The following LNPEP variants were observed in gnomAD, a reference collection of about 807,000 sequenced individuals.
LNPEP encodes the protein leucyl-cystinyl aminopeptidase.
LNPEP carries 64 observed loss-of-function variants against 120.6 expected under a neutral mutation model. The observed-to-expected ratio is 0.53, with a 90% confidence interval of 0.43 to 0.65. The LOEUF (loss-of-function observed/expected upper bound fraction) is 0.65. Ranked by LOEUF, LNPEP falls within the 30% of genes least tolerant of loss-of-function variation. The pLI is 0.00. For synonymous variants in LNPEP, 435 were observed against 425.4 expected (o/e 1.02, Z -0.28); for missense variants, 1,057 against 1,200.0 (o/e 0.88, Z 1.76).
At chr5:97,017,607 A>G (rs1002406662) in intron 13 of LNPEP, among the ~76,000 whole-genome samples, 1 of 152,140 alleles carries the variant, frequency 6.6e-6, no homozygotes, top group Non-Finnish European at 1.5e-5. Flanking sequence ...GGTGTGAGGT[A>G]GACACCAAGA....
intron 1 of LNPEP, among the ~76,000 whole-genome samples, chr5:96,956,098 AAATG>A (rs1789460681): frequency 6.5e-5 from 3 of 45,872 alleles, no homozygotes; most frequent in African/African-American, 2.1e-4. Context: ...ATGGCTGTTT[AAATG>A]TTTAAATCTT....
intron 1 of LNPEP, among the ~76,000 whole-genome samples, chr5:96,972,120 G>A (rs1789880572): frequency 6.6e-6 from 1 of 152,020 alleles, no homozygotes; most frequent in African/African-American, 2.4e-5. Context: ...CTCTGTCTCT[G>A]TAGACAGCTT....
At chr5:96,990,701 A>G (rs1790369394) in intron 4 of LNPEP, among the ~76,000 whole-genome samples, 1 of 152,196 alleles carries the variant, frequency 6.6e-6, no homozygotes, top group Non-Finnish European at 1.5e-5. Context: ...GCTTAAGGTC[A>G]TACAGATAGC....
chr5:97,017,963 G>A (rs1055282548), intron 13 of LNPEP, among the ~76,000 whole-genome samples: 2 of 152,014 alleles, frequency 1.3e-5, no homozygotes, highest in Non-Finnish European at 2.9e-5. Flanking sequence ...CTTTGTCTCT[G>A]TCAACACAGT....
rs1197313542 is a variant in LNPEP, at chr5:96,989,430, T to C, written c.1131+2760T>C. Among the ~76,000 whole-genome samples, 3 of 139,976 alleles carry C rather than the reference T, an allele frequency of 2.1e-5. No homozygotes were observed. The East Asian group carries it at 5.9e-4, about 28-fold the overall frequency. The allele number at this position is 139,976 out of a possible 152,430, so 91.8% of individuals were successfully genotyped here. ...ATATATAATATATAATTATATATTA[T>C]ATATTTATATATATTATTATATATT... On this transcript the variant is annotated intron_variant, in intron 4 of 17. Coordinates refer to ENST00000231368, the MANE Select transcript of LNPEP (RefSeq NM_005575.3).
At chr5:96,960,935 T>C (rs1379190806) in intron 1 of LNPEP, among the ~76,000 whole-genome samples, 1 of 152,160 alleles carries the variant, frequency 6.6e-6, no homozygotes, top group Non-Finnish European at 1.5e-5. Flanking sequence ...GATGAAACCA[T>C]GTTGCTTGGT....
In LNPEP at chr5:96,979,930, A is replaced by G. The variant is rs748813298; in HGVS notation, c.812A>G (p.Tyr271Cys). 1 of 1,611,334 alleles carries G rather than the reference A, an allele frequency of 6.2e-7. No homozygotes were observed. The highest frequency in any genetic ancestry group is 8.5e-7 in the Non-Finnish European group (1 of 1,178,080). ...IEYSANISSS[Y>C]YGFYGFSYTD... is the part of the protein sequence containing the mutation. ...TACTCGGCAAATATATCTAGTTCTT[A>G]TTATGGGTTTTATGGCTTCTCCTAC... Residue 271 changes from tyrosine to cysteine, a missense_variant, in exon 2 of 18, where the codon TAT becomes TGT. Physicochemically the swap from Tyr to Cys is radical, Grantham distance 194. Coordinates refer to ENST00000231368, the MANE Select transcript of LNPEP (RefSeq NM_005575.3).
At chr5:96,985,380 A>G (rs1469029123) in intron 3 of LNPEP, among the ~76,000 whole-genome samples, 162 bp downstream of exon 3, 1 of 152,206 alleles carries the variant, frequency 6.6e-6, no homozygotes, top group Non-Finnish European at 1.5e-5. Flanking sequence ...TATTGGCATC[A>G]GTTGGGAAGT....
intron 15 of LNPEP, among the ~76,000 whole-genome samples, chr5:97,025,548 A>C (rs1435840678): frequency 6.6e-6 from 1 of 152,238 alleles, no homozygotes; most frequent in Non-Finnish European, 1.5e-5. Context: ...AAGAATATAG[A>C]GTAAAATATG....
At chr5:96,970,701 A>C (rs1273132125) in intron 1 of LNPEP, among the ~76,000 whole-genome samples, 1 of 151,626 alleles carries the variant, frequency 6.6e-6, no homozygotes, top group Non-Finnish European at 1.5e-5. Flanking sequence ...TCACTTTTTC[A>C]GTGTTTCTTC....
chr5:97,005,435 T>C (rs140254035), intron 9 of LNPEP, among the ~76,000 whole-genome samples: 1 of 152,126 alleles, frequency 6.6e-6, no homozygotes, highest in African/African-American at 2.4e-5. Flanking sequence ...ATTTTATAGA[T>C]AACTTCATAT....
chr5:96,942,565 A>G (rs1014979501), intron 1 of LNPEP, among the ~76,000 whole-genome samples: 2 of 151,742 alleles, frequency 1.3e-5, no homozygotes, highest in African/African-American at 4.8e-5. Context: ...GAGGCACAAG[A>G]ATCACTTGGA....
chr5:97,034,100 C>T lies in LNPEP; in HGVS notation c.*5567C>T, dbSNP rs1004264834. ...CGTGGAGGTCCGGATGTATGAAAAT[C>T]TCCTCTTTTCCCCTTTCCTTATTGC... is the stretch of plus-strand genomic sequence containing the variant. On this transcript the variant is annotated 3_prime_UTR_variant, in exon 18 of 18. Transcript: ENST00000231368. The T allele has an allele frequency of 2.0e-5, 3 of 152,092 alleles. No individual in the cohort carries two copies. Among genetic ancestry groups the T allele is most frequent in the Non-Finnish European group, 4.4e-5 (3 of 68,004 alleles). The allele number at this position is 152,092 out of a possible 1,614,324, so 9.4% of individuals were successfully genotyped here.
intron 8 of LNPEP, among the ~76,000 whole-genome samples, chr5:97,001,368 G>T (rs1790646188): frequency 6.6e-6 from 1 of 152,156 alleles, no homozygotes. Context: ...AAATGGAGTT[G>T]CCATTTGCTG....
chr5:97,000,026 G>A (rs536865314), intron 8 of LNPEP, among the ~76,000 whole-genome samples: 1 of 152,174 alleles, frequency 6.6e-6, no homozygotes, highest in African/African-American at 2.4e-5. Flanking sequence ...CTAGGTGCTG[G>A]GGTTATATCA....
intron 1 of LNPEP, among the ~76,000 whole-genome samples, chr5:96,949,806 A>G (rs1789281879): frequency 2.0e-5 from 3 of 152,230 alleles, no homozygotes; most frequent in Admixed American, 6.5e-5. Flanking sequence ...TAGATGCTTA[A>G]TAAATGTTAT....
intron 9 of LNPEP, among the ~76,000 whole-genome samples, chr5:97,005,738 A>G (rs1007116543): frequency 6.6e-6 from 1 of 152,116 alleles, no homozygotes; most frequent in Non-Finnish European, 1.5e-5. Context: ...GAATACTTAT[A>G]CCTTCTTAGG....
At chr5:96,992,667 G>A (rs1256452912) in intron 4 of LNPEP, among the ~76,000 whole-genome samples, 1 of 151,914 alleles carries the variant, frequency 6.6e-6, no homozygotes, top group Non-Finnish European at 1.5e-5. Flanking sequence ...GGCAGCTACA[G>A]GTAATGGGAG....
chr5:97,026,395 CAT>C (rs1022036278), intron 15 of LNPEP, among the ~76,000 whole-genome samples: 1 of 152,024 alleles, frequency 6.6e-6, no homozygotes, highest in Non-Finnish European at 1.5e-5. Context: ...TATTTATTGT[CAT>C]GTGACAATAT....
Sources: allele counts gnomAD v4.1 joint callset (sites outside exome capture counted in the v4.1 genomes callset), GRCh38; gene constraint gnomAD v4.1.1; transcripts MANE v1.5; gene names NCBI Gene and HGNC (gene_info 2026-07-23, HGNC 2026-07-21).